The following AAGAB variants were observed in gnomAD, a reference collection of about 807,000 sequenced individuals.
AAGAB encodes the protein alpha- and gamma-adaptin-binding protein p34.
A neutral mutation model predicts 44.1 loss-of-function variants in AAGAB; 38 were observed. That is an observed-to-expected ratio of 0.86 (90% CI 0.67 to 1.13). The LOEUF is 1.13. AAGAB is among the 50% of genes most tolerant of loss of function. AAGAB has a pLI of 0.00. For missense variants in AAGAB, 450 were observed against 373.8 expected, an observed-to-expected ratio of 1.20 and a Z score of -1.68; for synonymous variants, 131 against 131.8, an observed-to-expected ratio of 0.99 and a Z score of 0.04.
chr15:67,245,656 A>T (rs1480490955), intron 1 of AAGAB, among the ~76,000 whole-genome samples: 2 of 152,250 alleles, frequency 1.3e-5, no homozygotes, highest in Admixed American at 6.5e-5. Flanking sequence ...AGAAACTGGG[A>T]GATACTGACC....
rs981387016 is a variant in AAGAB, at chr15:67,209,684, A to T, written c.536-140T>A. On this transcript the variant is annotated intron_variant, in intron 5 of 9. Coordinates refer to ENST00000261880, the MANE Select transcript of AAGAB (RefSeq NM_024666.5). The stretch of plus-strand genomic sequence containing the variant: ...ATATATATTTTTGAGACAGGGTCTC[A>T]CTCTGTAGCCCAGGCTAGAGTGCAG... 6.0e-5 allele frequency: 41 copies of T among 688,280 alleles called. No individual in the cohort carries two copies. In the African/African-American group the frequency reaches 6.3e-4, roughly 11 times the overall value. The allele number at this position is 688,280 out of a possible 1,614,324, so 42.6% of individuals were successfully genotyped here.
chr15:67,254,460 C>T lies in AAGAB; in HGVS notation c.73+99G>A, dbSNP rs959025113. The T allele has an allele frequency of 7.5e-6, 11 of 1,470,740 alleles. No individual in the cohort carries two copies. In the African/African-American group the frequency reaches 9.9e-5, roughly 13 times the overall value. The allele number at this position is 1,470,740 out of a possible 1,614,324, so 91.1% of individuals were successfully genotyped here. A position where few individuals can be genotyped will look rare whatever the true frequency, so the allele number is the denominator to read the frequency against. ...ACTGACTGGAGGAAGAACGCAGGGCCCGCTGCGGGGACAAGGCCCAGAGAG... is the reference window on the plus strand; with the variant it reads ...ACTGACTGGAGGAAGAACGCAGGGCTCGCTGCGGGGACAAGGCCCAGAGAG... On this transcript the variant is annotated intron_variant, in intron 1 of 9. Transcript: ENST00000261880.
At chr15:67,209,097 G>A (rs1184221370) in intron 6 of AAGAB, among the ~76,000 whole-genome samples, 2 of 152,156 alleles carry the variant, frequency 1.3e-5, no homozygotes, top group African/African-American at 4.8e-5. Context: ...GGTTGAAACT[G>A]GACTACAAGC....
intron 4 of AAGAB, chr15:67,232,616 G>A: frequency 2.7e-6 from 1 of 370,296 alleles, no homozygotes; most frequent in Non-Finnish European, 5.5e-6. Flanking sequence ...TCATCTTTGA[G>A]TTCAGAACTC....
At chr15:67,224,380 T>C (rs1264395049) in intron 5 of AAGAB, among the ~76,000 whole-genome samples, 1 of 152,116 alleles carries the variant, frequency 6.6e-6, no homozygotes, top group Non-Finnish European at 1.5e-5. Context: ...TTATAAAAGC[T>C]GTATTATTTC....
intron 5 of AAGAB, chr15:67,226,664 T>A (rs1964211547): frequency 6.6e-6 from 1 of 152,472 alleles, no homozygotes; most frequent in African/African-American, 2.4e-5. Context: ...AGTATGAACA[T>A]TTTTAATTTT....
intron 5 of AAGAB, among the ~76,000 whole-genome samples, chr15:67,214,079 A>C (rs1293454648): frequency 6.6e-6 from 1 of 152,246 alleles, no homozygotes; most frequent in East Asian, 1.9e-4. Flanking sequence ...AGAGGTCTTG[A>C]TAACATGTAA....
chr15:67,208,576 A>C lies in AAGAB; in HGVS notation c.701T>G (p.Val234Gly), dbSNP rs769444076. 1.2e-6 allele frequency: 2 copies of C among 1,614,084 alleles called. No individual in the cohort carries two copies. Among genetic ancestry groups the C allele is most frequent in the East Asian group, 4.5e-5 (2 of 44,876 alleles). The change falls in exon 7 of 10, where the codon GTT becomes GGT. Residue 234 changes from valine (V) to glycine (G), a missense_variant. By Grantham distance (109) the Val-to-Gly change is moderately radical (BLOSUM62 -3). Coordinates refer to ENST00000261880, the MANE Select transcript of AAGAB (RefSeq NM_024666.5). Reference protein sequence around the residue: ...GGASNTTDAQVDSIVDPMLDL... With the variant: ...GGASNTTDAQGDSIVDPMLDL... ...GAGGAACTTACCCACAATGCTATCA[A>C]CCTGGGCATCTGTTGTGTTAGATGC...
intron 5 of AAGAB, among the ~76,000 whole-genome samples, chr15:67,225,396 C>G (rs1403000107): frequency 5.9e-5 from 9 of 152,040 alleles, no homozygotes; most frequent in Admixed American, 5.2e-4. Context: ...TCTTTTCTTT[C>G]TTTTTATTGA....
intron 5 of AAGAB, among the ~76,000 whole-genome samples, chr15:67,218,556 C>T (rs989042016): frequency 2.0e-5 from 3 of 152,212 alleles, no homozygotes; most frequent in African/African-American, 7.2e-5. Flanking sequence ...ATTTAAGGCA[C>T]AGTCCTGAGT....
intron 1 of AAGAB, among the ~76,000 whole-genome samples, chr15:67,247,049 G>A (rs1964743593): frequency 6.6e-6 from 1 of 152,182 alleles, no homozygotes; most frequent in South Asian, 2.1e-4. Context: ...AGGGTCTGCA[G>A]CTTCATTCCT....
At chr15:67,232,538 G>A (rs1188415828) in intron 4 of AAGAB, 1 of 385,276 alleles carries the variant, frequency 2.6e-6, no homozygotes, top group Non-Finnish European at 5.2e-6. Context: ...TTCACCCCGG[G>A]AAGGCAACAC....
chr15:67,209,537 G>A lies in AAGAB; in HGVS notation c.543C>T (p.Asn181=), dbSNP rs1276371185. The change falls in exon 6 of 10, where the codon AAC becomes AAT. Residue 181 remains asparagine (N), a synonymous_variant. Transcript: ENST00000261880. ...ATGAGTTGAGAAGGCTAAAGCCTTG[G>A]TTCCTATCTGAAAAGGAAAAATACA... ...WSNVVMKNDR[N]QGFSLLNSLT... 2.5e-6 allele frequency: 4 copies of A among 1,613,342 alleles called. No homozygotes were observed. Among genetic ancestry groups the A allele is most frequent in the Non-Finnish European group, 2.5e-6 (3 of 1,179,456 alleles).
At chr15:67,226,341 T>G (rs1377872385) in intron 5 of AAGAB, among the ~76,000 whole-genome samples, 2 of 152,074 alleles carry the variant, frequency 1.3e-5, no homozygotes, top group African/African-American at 2.4e-5. Context: ...AGGTTGGTTT[T>G]GAATGCCTGA....
At chr15:67,218,102 G>C (rs1963991464) in intron 5 of AAGAB, among the ~76,000 whole-genome samples, 1 of 152,174 alleles carries the variant, frequency 6.6e-6, no homozygotes, top group Non-Finnish European at 1.5e-5. Flanking sequence ...AACTCTCAGG[G>C]CTTTTGAAAT....
intron 1 of AAGAB, among the ~76,000 whole-genome samples, chr15:67,253,393 A>G (rs1340307631): frequency 6.6e-6 from 1 of 151,998 alleles, no homozygotes; most frequent in Admixed American, 6.5e-5. Context: ...ACGCCACTGC[A>G]CTACAGCCTG....
chr15:67,242,799 G>A (rs140261389), intron 1 of AAGAB: 1 of 152,296 alleles, frequency 6.6e-6, no homozygotes, highest in Non-Finnish European at 1.5e-5. Flanking sequence ...GTCGATCACT[G>A]GAGTAGTATG....
At chr15:67,209,729 T>G (rs1444058783) in intron 5 of AAGAB, among the ~76,000 whole-genome samples, 185 bp from the exon 6 acceptor site, 1 of 152,236 alleles carries the variant, frequency 6.6e-6, no homozygotes. Context: ...CACAGCTCAG[T>G]GCAACCTTGA....
rs576231786 is a variant in AAGAB at position 67,218,131 on chromosome 15, G to A, written c.536-8587C>T. The stretch of plus-strand genomic sequence containing the variant: ...TTGAAATCCAGTCTCTACAATTATT[G>A]CTTACCACTGGGGGATCAAAGTCAC... On this transcript the variant is annotated intron_variant, in intron 5 of 9. Coordinates refer to ENST00000261880, the MANE Select transcript of AAGAB (RefSeq NM_024666.5). Among the ~76,000 whole-genome samples, 3 of 152,234 alleles carry A rather than the reference G, an allele frequency of 2.0e-5. No individual in the cohort carries two copies. The East Asian group carries it at 5.8e-4, about 29-fold the overall frequency.
Sources: allele counts gnomAD v4.1 joint callset (sites outside exome capture counted in the v4.1 genomes callset), GRCh38; gene constraint gnomAD v4.1.1; transcripts MANE v1.5; gene names NCBI Gene and HGNC (gene_info 2026-07-23, HGNC 2026-07-21).